Variants in TLR5 observed in about 807,000 individuals in gnomAD.
TLR5 encodes the protein toll like receptor 5, also known as toll-like receptor 5.
For synonymous variants in TLR5, 373 were observed against 384.4 expected (o/e 0.97, Z 0.35); for missense variants, 944 against 999.8 (o/e 0.94, Z 0.75).
Position 223,125,540 on chromosome 1 carries a change from T to G in TLR5, c.-5+6935A>C, listed in dbSNP as rs1157532787. 3.3e-5 allele frequency among the ~76,000 whole-genome samples: 5 copies of G among 151,252 alleles called. No individual in the cohort carries two copies. The East Asian group carries it at 7.8e-4, about 24-fold the overall frequency. ...CACACTAGAATCACCTGGGAAGTCT[T>G]CAGACCCAGGAAGCCCAGACTGACC... On this transcript the variant is annotated intron_variant, in intron 5 of 5. Coordinates refer to ENST00000642603, the MANE Select transcript of TLR5 (RefSeq NM_003268.6).
intron 4 of TLR5, 44 bp from the exon 5 acceptor site, chr1:223,132,683 ATAT>A (rs1203904321): frequency 3.3e-5 from 5 of 152,388 alleles, no homozygotes; most frequent in East Asian, 1.9e-4. Context: ...GAAACAAAAA[ATAT>A]TATGTAGATA....
At chr1:223,121,792 T>G (rs1291329593) in intron 5 of TLR5, among the ~76,000 whole-genome samples, 1 of 152,212 alleles carries the variant, frequency 6.6e-6, no homozygotes, top group Non-Finnish European at 1.5e-5. Context: ...ACTGCTGGGA[T>G]TACAGGCATG....
At chr1:223,133,932 C>A (rs1448917060) in intron 4 of TLR5, among the ~76,000 whole-genome samples, 8 of 152,206 alleles carry the variant, frequency 5.3e-5, no homozygotes, top group Admixed American at 5.2e-4. Flanking sequence ...CTGCAAGCGT[C>A]CCTGAGCTGA....
chr1:223,128,914 C>G (rs1657281110), intron 5 of TLR5: 1 of 152,170 alleles, frequency 6.6e-6, no homozygotes, highest in Admixed American at 6.5e-5. Flanking sequence ...ATTCTTTGTT[C>G]AAAACGCCAA....
At chr1:223,133,050 T>A (rs1657455955) in intron 4 of TLR5, among the ~76,000 whole-genome samples, 1 of 152,312 alleles carries the variant, frequency 6.6e-6, no homozygotes. Flanking sequence ...TAGGGACAGA[T>A]AGAACTAAGG....
chr1:223,123,174 G>A (rs1247958926), intron 5 of TLR5, among the ~76,000 whole-genome samples: 1 of 152,146 alleles, frequency 6.6e-6, no homozygotes, highest in East Asian at 1.9e-4. Flanking sequence ...AACACGAGAA[G>A]GAAATTCTCA....
At chr1:223,116,141 TTGTC>T (rs1656625734) in intron 5 of TLR5, among the ~76,000 whole-genome samples, 2 of 152,232 alleles carry the variant, frequency 1.3e-5, no homozygotes, top group Non-Finnish European at 2.9e-5. Flanking sequence ...CTTACTTGTC[TTGTC>T]TATTTGCTTA....
intron 5 of TLR5, among the ~76,000 whole-genome samples, chr1:223,115,249 T>A (rs1305945287): frequency 6.6e-6 from 1 of 152,170 alleles, no homozygotes; most frequent in Non-Finnish European, 1.5e-5. Context: ...TCAGGCACTG[T>A]TTTATTTATT....
chr1:223,130,895 G>T (rs1035597015), intron 5 of TLR5, among the ~76,000 whole-genome samples: 2 of 152,132 alleles, frequency 1.3e-5, no homozygotes, highest in African/African-American at 4.8e-5. Flanking sequence ...GGTCATTCTG[G>T]TTTCCTTAAT....
intron 5 of TLR5, among the ~76,000 whole-genome samples, chr1:223,122,270 G>C (rs1381835141): frequency 6.6e-6 from 1 of 152,198 alleles, no homozygotes; most frequent in African/African-American, 2.4e-5. Flanking sequence ...TATGAAGAGA[G>C]GGACAGATGT....
rs1036609986 is a variant in TLR5, at chr1:223,120,996, T to C, written c.-4-7961A>G. On this transcript the variant is annotated intron_variant, in intron 5 of 5. Transcript: ENST00000642603. ...TACTCGGGAGGCTGAGGTGAGAGGA[T>C]AGCTTAAGCCTGGGAGTTTGAGGCT... Among the ~76,000 whole-genome samples, 4 of 152,186 alleles carry C rather than the reference T, an allele frequency of 2.6e-5. No individual in the cohort carries two copies. The East Asian group carries it at 7.7e-4, about 29-fold the overall frequency.
intron 4 of TLR5, among the ~76,000 whole-genome samples, chr1:223,133,439 C>T (rs991902897): frequency 1.3e-5 from 2 of 152,178 alleles, no homozygotes; most frequent in African/African-American, 4.8e-5. Context: ...AGGGCTGTGG[C>T]TGAAGGACCT....
chr1:223,130,062 G>A (rs1006900886), intron 5 of TLR5, among the ~76,000 whole-genome samples: 1 of 152,152 alleles, frequency 6.6e-6, no homozygotes, highest in African/African-American at 2.4e-5. Context: ...GGGGGCTGGG[G>A]CGTACCCTGA....
At chr1:223,114,674 A>G (rs983385617) in intron 5 of TLR5, among the ~76,000 whole-genome samples, 1 of 152,214 alleles carries the variant, frequency 6.6e-6, no homozygotes. Flanking sequence ...CACAAGCTAC[A>G]GCAAATCAGA....
At position 223,110,921 on chromosome 1, in the gene TLR5, A is replaced by G; in HGVS notation, c.2111T>C (p.Phe704Ser). ...GAGCAAAGCATTCTGCACCCATGTG[A>G]AGTCTTTGCTGCTGAAGCACAAATA... The part of the protein sequence containing the change: ...DAYLCFSSKD[F>S]TWVQNALLKH... The change falls in exon 6 of 6, where the codon TTC becomes TCC. Residue 704 changes from phenylalanine (F) to serine (S), a missense_variant. Physicochemically the swap from Phe to Ser is radical, Grantham distance 155. Transcript: ENST00000642603. 6.2e-7 allele frequency: 1 copy of G among 1,614,218 alleles called. No homozygotes were observed. Among genetic ancestry groups the G allele is most frequent in the East Asian group, 2.2e-5 (1 of 44,886 alleles).
At chr1:223,118,082 G>A (rs902061166) in intron 5 of TLR5, among the ~76,000 whole-genome samples, 3 of 152,216 alleles carry the variant, frequency 2.0e-5, no homozygotes, top group African/African-American at 4.8e-5. Flanking sequence ...TGCCCAAGGT[G>A]GTCAGGGTGC....
intron 2 of TLR5, 66 bp downstream of exon 2, chr1:223,141,582 G>C (rs1489457454): frequency 6.6e-6 from 1 of 151,734 alleles, no homozygotes; most frequent in African/African-American, 2.4e-5. Context: ...AGATCAGCCC[G>C]ACCAACATGG....
chr1:223,120,619 T>A (rs962718371), intron 5 of TLR5, among the ~76,000 whole-genome samples: 1 of 152,376 alleles, frequency 6.6e-6, no homozygotes, highest in Middle Eastern at 3.4e-3. Context: ...GACTTTTTTT[T>A]ATTGACAGTG....
intron 4 of TLR5, among the ~76,000 whole-genome samples, chr1:223,133,757 C>G (rs1202140675): frequency 6.6e-6 from 1 of 152,166 alleles, no homozygotes; most frequent in Non-Finnish European, 1.5e-5. Flanking sequence ...ATGGATGGGT[C>G]ATATCGCTTT....
Sources: allele counts gnomAD v4.1 joint callset (sites outside exome capture counted in the v4.1 genomes callset), GRCh38; gene constraint gnomAD v4.1.1; transcripts MANE v1.5; gene names NCBI Gene and HGNC (gene_info 2026-07-23, HGNC 2026-07-21).